Variants in ARHGAP8 observed in about 807,000 individuals in gnomAD.
ARHGAP8 encodes Rho GTPase activating protein 8.
A neutral mutation model predicts 46.1 loss-of-function variants in ARHGAP8; 62 were observed. The ratio of observed to expected loss-of-function variants is 1.34; its 90% confidence interval spans 1.10 to 1.66. ARHGAP8 has a LOEUF of 1.66. ARHGAP8 is among the 40% of genes most tolerant of loss of function. The pLI is 0.00. For missense variants in ARHGAP8, 923 were observed against 568.4 expected (o/e 1.62, Z -6.34); for synonymous variants, 375 against 243.1 (o/e 1.54, Z -5.05).
At chr22:44,808,640 A>ATTT in intron 4 of ARHGAP8, 1 of 806,616 alleles carries the variant, frequency 1.2e-6, no homozygotes, top group African/African-American at 2.0e-5. Context: ...GTTGGCACTC[A>ATTT]TTTTTTTTTT....
chr22:44,787,044 A>C (rs1268773454), intron 2 of ARHGAP8, among the ~76,000 whole-genome samples: 3 of 149,368 alleles, frequency 2.0e-5, no homozygotes, highest in African/African-American at 7.3e-5. Flanking sequence ...AAACAAAAAA[A>C]AAAAAAAGAA....
intron 1 of ARHGAP8, among the ~76,000 whole-genome samples, chr22:44,755,389 G>A (rs1167008880): frequency 2.0e-5 from 3 of 152,202 alleles, no homozygotes; most frequent in Non-Finnish European, 4.4e-5. Context: ...ATTAGCATGG[G>A]GAGAGAAAAT....
chr22:44,756,442 G>A lies in ARHGAP8; in HGVS notation c.-72+3815G>A, dbSNP rs985141365. On this transcript the variant is annotated intron_variant, in intron 1 of 11. Coordinates refer to ENST00000356099, the MANE Select transcript of ARHGAP8 (RefSeq NM_181335.3). ...TTGTAATTCCTTGCATTTTGTATAA[G>A]AGGGTTTATTTTTTCATTTCAGTTC... is the stretch of plus-strand genomic sequence containing the variant. Among the ~76,000 whole-genome samples the A allele has an allele frequency of 2.0e-4, 30 of 152,256 alleles. No individual in the cohort carries two copies. In the South Asian group the frequency reaches 2.1e-3, roughly 11 times the overall value.
intron 1 of ARHGAP8, among the ~76,000 whole-genome samples, chr22:44,768,483 T>C (rs906877891): frequency 6.8e-6 from 1 of 147,464 alleles, no homozygotes; most frequent in Non-Finnish European, 1.5e-5. Context: ...TTTTTTTTTA[T>C]CTTGTAGAGA....
chr22:44,860,317 A>G (rs995396293), intron 11 of ARHGAP8, among the ~76,000 whole-genome samples: 1 of 152,164 alleles, frequency 6.6e-6, no homozygotes. Flanking sequence ...TAGCAGTCCA[A>G]AAGCAAGGTG....
At chr22:44,861,226 C>T (rs1195272908) in intron 11 of ARHGAP8, among the ~76,000 whole-genome samples, 1 of 152,136 alleles carries the variant, frequency 6.6e-6, no homozygotes, top group Non-Finnish European at 1.5e-5. Context: ...CCTGCCTCGG[C>T]CTCTTAAGAG....
At chr22:44,853,987 A>T (rs559727166) in intron 10 of ARHGAP8, among the ~76,000 whole-genome samples, 8 of 131,500 alleles carry the variant, frequency 6.1e-5, no homozygotes, top group Admixed American at 4.6e-4. Context: ...AGATCTCACC[A>T]TTGCACTCCA....
At chr22:44,862,049 C>G (rs533739609) in intron 11 of ARHGAP8, among the ~76,000 whole-genome samples, 2 of 152,154 alleles carry the variant, frequency 1.3e-5, no homozygotes, top group South Asian at 2.1e-4. Flanking sequence ...AAGGTCAGAG[C>G]CAGAGGGTCC....
intron 1 of ARHGAP8, among the ~76,000 whole-genome samples, chr22:44,783,448 C>T (rs947163660): frequency 2.0e-5 from 3 of 152,230 alleles, no homozygotes; most frequent in Non-Finnish European, 4.4e-5. Flanking sequence ...CCTGCTCCCC[C>T]TTCTCTGCAG....
At chr22:44,795,581 C>G (rs566186071) in intron 2 of ARHGAP8, among the ~76,000 whole-genome samples, 1 of 152,212 alleles carries the variant, frequency 6.6e-6, no homozygotes, top group African/African-American at 2.4e-5. Flanking sequence ...CGCTGGCAGG[C>G]CACGAGCCCT....
intron 10 of ARHGAP8, among the ~76,000 whole-genome samples, chr22:44,856,595 C>A (rs2070232679): frequency 9.0e-6 from 1 of 110,758 alleles, no homozygotes; most frequent in Non-Finnish European, 1.9e-5. Context: ...GGGGCTACAT[C>A]CTGACCATTG....
intron 5 of ARHGAP8, among the ~76,000 whole-genome samples, chr22:44,821,894 GCC>G (rs1930175067): frequency 6.8e-6 from 1 of 148,088 alleles, no homozygotes; most frequent in East Asian, 2.5e-4. Flanking sequence ...AACCTGGAGA[GCC>G]TCATTGGTTC....
In ARHGAP8 at chr22:44,801,982, G is replaced by C. The variant is rs986791152; in HGVS notation, c.80-95G>C. ...CGCTGCTGCCTGTGCCTCCCAGCTC[G>C]GGCTGGACTGGCCAAGGAGGCTGCT... is the stretch of plus-strand genomic sequence containing the variant. On this transcript the variant is annotated intron_variant, in intron 2 of 11. Coordinates refer to ENST00000356099, the MANE Select transcript of ARHGAP8 (RefSeq NM_181335.3). 4 of 1,477,936 alleles carry C rather than the reference G, an allele frequency of 2.7e-6. No homozygotes were observed. In the East Asian group the frequency reaches 9.1e-5, roughly 34 times the overall value. 91.6% of individuals were successfully genotyped at this position (1,477,936 alleles called of 1,614,324 possible).
chr22:44,859,098 A>G (rs902030322), intron 10 of ARHGAP8, among the ~76,000 whole-genome samples: 2 of 152,124 alleles, frequency 1.3e-5, no homozygotes, highest in Non-Finnish European at 2.9e-5. Flanking sequence ...ACTCCCATTT[A>G]TAAAGTGATT....
intron 2 of ARHGAP8, among the ~76,000 whole-genome samples, chr22:44,801,457 CCG>C (rs1928539848): frequency 7.3e-6 from 1 of 136,116 alleles, no homozygotes; most frequent in Non-Finnish European, 1.6e-5. Context: ...CCGCAGCTGT[CCG>C]TGTGTGGGGG....
At chr22:44,801,813 CTT>C in intron 2 of ARHGAP8, 1 of 518,594 alleles carries the variant, frequency 1.9e-6, no homozygotes, top group South Asian at 2.3e-5. Context: ...GCACTGATGA[CTT>C]AACCCTGCTG....
intron 1 of ARHGAP8, among the ~76,000 whole-genome samples, chr22:44,782,291 C>A (rs113019503): frequency 2.0e-5 from 3 of 152,084 alleles, no homozygotes; most frequent in African/African-American, 7.2e-5. Context: ...GAGCCAAGAT[C>A]GCACCAGTGC....
At chr22:44,784,368 C>T (rs1927061234) in intron 1 of ARHGAP8, among the ~76,000 whole-genome samples, 1 of 152,210 alleles carries the variant, frequency 6.6e-6, no homozygotes, top group Non-Finnish European at 1.5e-5. Flanking sequence ...CATGCCACTG[C>T]ACTCCAGCCT....
intron 7 of ARHGAP8, among the ~76,000 whole-genome samples, chr22:44,827,336 G>GCTTTTTTTTTT (rs1223857467): frequency 1.5e-5 from 1 of 67,258 alleles, no homozygotes; most frequent in African/African-American, 5.9e-5. Context: ...TTGGGTGGTG[G>GCTTTTTTTTTT]TTTTTTTTTT....
Sources: gnomAD v4.1 joint callset for allele counts (sites outside exome capture counted in the v4.1 genomes callset) on GRCh38, gnomAD v4.1.1 for gene constraint, MANE v1.5 for transcripts, NCBI Gene and HGNC (gene_info 2026-07-23, HGNC 2026-07-21) for gene names.